The following AMN1 variants were observed in gnomAD, a reference collection of about 807,000 sequenced individuals.
The protein encoded by AMN1 is protein AMN1 homolog.
A neutral mutation model predicts 33.0 loss-of-function variants in AMN1; 20 were observed. The ratio of observed to expected loss-of-function variants is 0.61; its 90% CI spans 0.43 to 0.88. The LOEUF (loss-of-function observed/expected upper bound fraction) is 0.88. Among genes scored for constraint, AMN1 ranks in the 40% least tolerant of loss-of-function variants. The pLI is 0.00. For missense variants in AMN1, 246 were observed against 307.4 expected (o/e 0.80, Z 1.49); for synonymous variants, 114 against 111.9 (o/e 1.02, Z -0.12).
At chr12:31,724,128 C>T (rs1939974433) in intron 1 of AMN1, among the ~76,000 whole-genome samples, 1 of 152,184 alleles carries the variant, frequency 6.6e-6, no homozygotes, top group African/African-American at 2.4e-5. Flanking sequence ...CCTATATATA[C>T]ACCCTGCATT....
intron 6 of AMN1, among the ~76,000 whole-genome samples, chr12:31,677,532 GC>G (rs2139652482): frequency 6.6e-6 from 1 of 152,284 alleles, no homozygotes; most frequent in Non-Finnish European, 1.5e-5. Flanking sequence ...TGTGGGGCAA[GC>G]CACTTAAATC....
At chr12:31,702,192 A>C (rs1422213648) in intron 2 of AMN1, among the ~76,000 whole-genome samples, 185 bp from the exon 3 acceptor site, 1 of 152,264 alleles carries the variant, frequency 6.6e-6, no homozygotes, top group Non-Finnish European at 1.5e-5. Flanking sequence ...TACTTCCAGC[A>C]GGAGGTGCAG....
At chr12:31,709,103 C>T (rs1317061068) in intron 2 of AMN1, 190 bp downstream of exon 2, 1 of 660,846 alleles carries the variant, frequency 1.5e-6, no homozygotes, top group Non-Finnish European at 2.7e-6. Context: ...TAAGTCCAGG[C>T]AGCGGAGGTT....
intron 6 of AMN1, among the ~76,000 whole-genome samples, chr12:31,684,056 A>G (rs1047612799): frequency 2.0e-5 from 3 of 152,230 alleles, no homozygotes; most frequent in African/African-American, 7.2e-5. Context: ...AAATGTGTCA[A>G]TATTTAAAAG....
chr12:31,700,020 A>G (rs1938920195), intron 3 of AMN1, among the ~76,000 whole-genome samples: 1 of 152,206 alleles, frequency 6.6e-6, no homozygotes, highest in Non-Finnish European at 1.5e-5. Flanking sequence ...ATGTAAACAT[A>G]TTAAAACTTA....
At chr12:31,718,354 A>T (rs1939755401) in intron 1 of AMN1, among the ~76,000 whole-genome samples, 1 of 152,090 alleles carries the variant, frequency 6.6e-6, no homozygotes, top group South Asian at 2.1e-4. Context: ...GTGTTGGGTT[A>T]GAACATGCTT....
chr12:31,709,151 G>T, intron 2 of AMN1, 142 bp downstream of exon 2: 2 of 922,498 alleles, frequency 2.2e-6, no homozygotes, highest in South Asian at 1.4e-5. Flanking sequence ...CTCCAGCCTG[G>T]GCAACGGAGC....
intron 6 of AMN1, among the ~76,000 whole-genome samples, chr12:31,684,959 T>C (rs1227578654): frequency 1.3e-5 from 2 of 151,910 alleles, no homozygotes; most frequent in African/African-American, 4.8e-5. Context: ...AAATCTAAGA[T>C]GCTTCTTAAG....
intron 6 of AMN1, among the ~76,000 whole-genome samples, chr12:31,679,190 C>T (rs958281641): frequency 1.3e-5 from 2 of 151,988 alleles, no homozygotes; most frequent in Non-Finnish European, 2.9e-5. Flanking sequence ...TGTTTTGGCT[C>T]TTTGTGGTAA....
In AMN1 at chr12:31,694,292, A is replaced by C. The variant is rs143945070; in HGVS notation, c.591+3069T>G. ...CCCTGGCTCTACTAAAAATACAAAAATTAGCTGGGCATGGTGGCAGCTGCC... is the reference window on the plus strand; with the variant it reads ...CCCTGGCTCTACTAAAAATACAAAACTTAGCTGGGCATGGTGGCAGCTGCC... On this transcript the variant is annotated intron_variant, in intron 5 of 6. Coordinates refer to ENST00000281471, the MANE Select transcript of AMN1 (RefSeq NM_001113402.2). 5.6e-3 allele frequency among the ~76,000 whole-genome samples: 854 copies of C among 151,890 alleles called. 32 individuals are homozygous for C. The East Asian group carries it at 0.098, about 17-fold the overall frequency.
In AMN1 at chr12:31,671,706, T is replaced by C. The variant is rs1736053353; in HGVS notation, c.*598A>G. 6.6e-6 allele frequency: 1 copy of C among 152,202 alleles called. No homozygotes were observed. Among genetic ancestry groups the C allele is most frequent in the Non-Finnish European group, 1.5e-5 (1 of 68,028 alleles). The allele number at this position is 152,202 out of a possible 1,614,324, so 9.4% of individuals were successfully genotyped here. On this transcript the variant is annotated 3_prime_UTR_variant, in exon 7 of 7. Coordinates refer to ENST00000281471, the MANE Select transcript of AMN1 (RefSeq NM_001113402.2). ...AGCCATAAAAATCAATGAATGGATG[T>C]GGCTGGGCAAGAGCCTCTGTAATAC...
chr12:31,701,324 G>C (rs1237645106), intron 3 of AMN1, among the ~76,000 whole-genome samples: 1 of 151,508 alleles, frequency 6.6e-6, no homozygotes, highest in Non-Finnish European at 1.5e-5. Flanking sequence ...TTCTGATAGA[G>C]TCTCCCTATG....
In AMN1 at chr12:31,689,029, G is replaced by T; in HGVS notation, c.681C>A (p.Phe227Leu). 3.1e-6 allele frequency: 5 copies of T among 1,612,702 alleles called. No individual in the cohort carries two copies. The highest frequency in any genetic ancestry group is 3.4e-6 in the Non-Finnish European group (4 of 1,179,166). The change falls in exon 6 of 7, where the codon TTC becomes TTA. Residue 227 changes from phenylalanine to leucine, a missense_variant. Transcript: ENST00000281471. ...TYCPQIRILL[F>L]HGCPLITDHS... is the part of the protein sequence containing the mutation. Reference sequence around the variant, plus strand: ...AACCTGTTATCAAGGGGCATCCATGGAAGAGTAATATACGTATTTGAGGAC... The same window carrying T: ...AACCTGTTATCAAGGGGCATCCATGTAAGAGTAATATACGTATTTGAGGAC...
chr12:31,697,597 C>A (rs12822978), intron 4 of AMN1, 143 bp downstream of exon 4: 1 of 1,053,456 alleles, frequency 9.5e-7, no homozygotes, highest in East Asian at 2.5e-5. Flanking sequence ...ATATATATCT[C>A]AATTACTTAA....
At chr12:31,688,836 A>C (rs940203059) in intron 6 of AMN1, among the ~76,000 whole-genome samples, 171 bp downstream of exon 6, 6 of 152,074 alleles carry the variant, frequency 3.9e-5, no homozygotes, top group South Asian at 2.1e-4. Context: ...AAAATAAAAT[A>C]AAATAAAGAA....
rs1052820662 is a variant in AMN1, at chr12:31,714,962, T to C, written c.39-5537A>G. ...CAAGTCCAGTAGCATCTGGTAAAAT[T>C]AGGACAGAATTGGGATTAAAAAATG... On this transcript the variant is annotated intron_variant, in intron 1 of 6. Transcript: ENST00000281471. The C allele has an allele frequency of 8.4e-6, 8 of 953,174 alleles. No individual in the cohort carries two copies. The African/African-American group carries it at 1.4e-4, about 17-fold the overall frequency. The allele number at this position is 953,174 out of a possible 1,614,324, so 59.0% of individuals were successfully genotyped here.
chr12:31,705,912 A>G (rs34841509), intron 2 of AMN1, among the ~76,000 whole-genome samples: 24,422 of 152,084 alleles, frequency 0.16, 2,179 homozygotes, highest in Admixed American at 0.23. Flanking sequence ...CCCAAGTTCC[A>G]TTCTATAAAA....
intron 1 of AMN1, among the ~76,000 whole-genome samples, chr12:31,721,372 A>C (rs770406400): frequency 7.2e-5 from 11 of 152,156 alleles, no homozygotes; most frequent in Non-Finnish European, 1.6e-4. Context: ...AGCAAGAGGG[A>C]AATATCATCC....
intron 6 of AMN1, among the ~76,000 whole-genome samples, chr12:31,685,859 T>A (rs940853644): frequency 4.0e-5 from 6 of 151,356 alleles, no homozygotes; most frequent in African/African-American, 1.2e-4. Flanking sequence ...GTTATTATTT[T>A]TTTTTTTTTG....
Sources: gnomAD v4.1 joint callset for allele counts (sites outside exome capture counted in the v4.1 genomes callset) on GRCh38, gnomAD v4.1.1 for gene constraint, MANE v1.5 for transcripts, NCBI Gene and HGNC (gene_info 2026-07-23, HGNC 2026-07-21) for gene names.